The following UBE2E2 variants were observed in gnomAD, a reference collection of about 807,000 sequenced individuals.
The protein encoded by UBE2E2 is ubiquitin-conjugating enzyme E2 E2.
In UBE2E2, 6 loss-of-function variants were observed where a neutral mutation model predicts 24.7. That is an observed-to-expected ratio of 0.24 (90% CI 0.13 to 0.48). The LOEUF (loss-of-function observed/expected upper bound fraction) is 0.48. Ranked by LOEUF, UBE2E2 falls within the 20% of genes least tolerant of loss-of-function variation. The probability of loss-of-function intolerance (pLI) is 0.99; values close to 1 mark genes in which losing one functional copy is unlikely to be tolerated. For missense variants in UBE2E2, 169 were observed against 245.0 expected (o/e 0.69, Z 2.07); for synonymous variants, 104 against 83.6 (o/e 1.24, Z -1.33).
chr3:23,486,068 G>A (rs987421725), intron 3 of UBE2E2, among the ~76,000 whole-genome samples: 4 of 152,080 alleles, frequency 2.6e-5, no homozygotes, highest in East Asian at 1.9e-4. Context: ...CCACCCACTC[G>A]GCCCAGCAGG....
intron 3 of UBE2E2, among the ~76,000 whole-genome samples, chr3:23,480,195 G>A (rs949296878): frequency 6.6e-6 from 1 of 152,234 alleles, no homozygotes; most frequent in African/African-American, 2.4e-5. Context: ...TCTAAAGTCT[G>A]GAAGGAGCCT....
At chr3:23,349,853 T>C (rs1695682047) in intron 3 of UBE2E2, among the ~76,000 whole-genome samples, 1 of 152,148 alleles carries the variant, frequency 6.6e-6, no homozygotes, top group African/African-American at 2.4e-5. Flanking sequence ...GACTTAAATG[T>C]CCCTGTCTGA....
At chr3:23,505,691 C>A (rs916783667) in intron 4 of UBE2E2, among the ~76,000 whole-genome samples, 1 of 151,998 alleles carries the variant, frequency 6.6e-6, no homozygotes, top group African/African-American at 2.4e-5. Context: ...TTTTAAAATC[C>A]TAGAGATCAA....
At chr3:23,310,652 G>T (rs1050405566) in intron 3 of UBE2E2, among the ~76,000 whole-genome samples, 4 of 152,140 alleles carry the variant, frequency 2.6e-5, no homozygotes, top group African/African-American at 9.7e-5. Flanking sequence ...GGGAGACTGA[G>T]GCAGGAGGAT....
At chr3:23,546,762 C>T (rs538015735) in intron 5 of UBE2E2, among the ~76,000 whole-genome samples, 7 of 151,964 alleles carry the variant, frequency 4.6e-5, no homozygotes, top group East Asian at 3.9e-4. Flanking sequence ...CATGAGCCAC[C>T]GCGCCCGGCA....
intron 5 of UBE2E2, among the ~76,000 whole-genome samples, chr3:23,557,212 A>AG (rs1250238343): frequency 6.6e-6 from 1 of 152,216 alleles, no homozygotes; most frequent in African/African-American, 2.4e-5. Flanking sequence ...AAAAATTGTG[A>AG]GGAGCACCTC....
intron 5 of UBE2E2, among the ~76,000 whole-genome samples, chr3:23,552,629 A>G (rs988676856): frequency 3.9e-5 from 6 of 152,180 alleles, no homozygotes; most frequent in Non-Finnish European, 5.9e-5. Context: ...TTCCCACTCT[A>G]CAGTTGATTG....
chr3:23,426,068 A>G (rs1046478506), intron 3 of UBE2E2, among the ~76,000 whole-genome samples: 1 of 152,224 alleles, frequency 6.6e-6, no homozygotes, highest in African/African-American at 2.4e-5. Flanking sequence ...AATCAAAAAG[A>G]AATGCCAAAG....
At chr3:23,554,992 C>T (rs773749636) in intron 5 of UBE2E2, among the ~76,000 whole-genome samples, 1 of 151,898 alleles carries the variant, frequency 6.6e-6, no homozygotes, top group African/African-American at 2.4e-5. Context: ...TCTCTGCTCA[C>T]TGCAGCCTTA....
chr3:23,474,995 G>A lies in UBE2E2; in HGVS notation c.228-24613G>A, dbSNP rs1575654101. Reference sequence around the variant, plus strand: ...TCAAAGTCACCAACTGCATTTTGCTGAAAGTGATAGAACTTTCTCCATGTT... The same window carrying A: ...TCAAAGTCACCAACTGCATTTTGCTAAAAGTGATAGAACTTTCTCCATGTT... On this transcript the variant is annotated intron_variant, in intron 3 of 5. Transcript: ENST00000396703. The surrounding 1 kb of genome is among the most constrained non-coding windows in gnomAD (Gnocchi z 4.0). Among the ~76,000 whole-genome samples, 1 of 152,114 alleles carries A rather than the reference G, an allele frequency of 6.6e-6. No homozygotes were observed. Among genetic ancestry groups the A allele is most frequent in the South Asian group, 2.1e-4 (1 of 4,822 alleles).
chr3:23,225,705 T>C (rs552732682), intron 3 of UBE2E2, among the ~76,000 whole-genome samples: 59 of 152,342 alleles, frequency 3.9e-4, no homozygotes, highest in African/African-American at 1.3e-3. Context: ...ATAGTTTTAC[T>C]GAGTTTTAAA....
chr3:23,213,787 T>A (rs552928314), intron 2 of UBE2E2, among the ~76,000 whole-genome samples: 1 of 152,300 alleles, frequency 6.6e-6, no homozygotes, highest in South Asian at 2.1e-4. Flanking sequence ...TGGGGACTGA[T>A]AAAACAGATA....
chr3:23,410,620 G>A (rs886086206), intron 3 of UBE2E2, among the ~76,000 whole-genome samples: 13 of 152,128 alleles, frequency 8.5e-5, no homozygotes, highest in East Asian at 3.8e-4. Flanking sequence ...ATAACCCTGT[G>A]AAATTAGAAT....
At chr3:23,561,212 G>A (rs201174461) in intron 5 of UBE2E2, among the ~76,000 whole-genome samples, 39,036 of 151,646 alleles carry the variant, frequency 0.26, 5,415 homozygotes, top group East Asian at 0.36. Context: ...TAGGTCTAAC[G>A]TTTAAGTCTT....
At chr3:23,297,977 T>C (rs1559337999) in intron 3 of UBE2E2, among the ~76,000 whole-genome samples, 1 of 151,790 alleles carries the variant, frequency 6.6e-6, no homozygotes, top group Non-Finnish European at 1.5e-5. Context: ...CAGTGGTTTG[T>C]AGTTCTCCTT....
At chr3:23,543,884 A>G (rs1467587847) in intron 5 of UBE2E2, among the ~76,000 whole-genome samples, 1 of 152,238 alleles carries the variant, frequency 6.6e-6, no homozygotes, top group African/African-American at 2.4e-5. Flanking sequence ...AACCAATGGA[A>G]CAGAATATTG....
intron 3 of UBE2E2, among the ~76,000 whole-genome samples, chr3:23,465,530 ATGAC>A (rs530266394): frequency 7.0e-4 from 106 of 152,342 alleles, no homozygotes; most frequent in African/African-American, 2.5e-3. Flanking sequence ...ATGCAAGTGA[ATGAC>A]TGGCCTCTCA....
At chr3:23,573,413 G>T (rs1696271087) in intron 5 of UBE2E2, among the ~76,000 whole-genome samples, 2 of 152,040 alleles carry the variant, frequency 1.3e-5, no homozygotes, top group South Asian at 4.1e-4. Flanking sequence ...CATAAGCTAG[G>T]TTAAAGGACA....
intron 3 of UBE2E2, among the ~76,000 whole-genome samples, chr3:23,355,905 C>T (rs370053685): frequency 4.6e-5 from 7 of 152,178 alleles, no homozygotes; most frequent in African/African-American, 1.2e-4. Flanking sequence ...ATATCTCTTA[C>T]GTAAATCATC....
Sources: allele counts gnomAD v4.1 joint callset (sites outside exome capture counted in the v4.1 genomes callset), GRCh38; gene constraint gnomAD v4.1.1; non-coding constraint Gnocchi (gnomAD v3.1); transcripts MANE v1.5; gene names NCBI Gene and HGNC (gene_info 2026-07-23, HGNC 2026-07-21).